Variants in PARP8 observed in about 807,000 individuals in gnomAD.
The protein encoded by PARP8 is poly(ADP-ribose) polymerase family member 8, also known as protein mono-ADP-ribosyltransferase PARP8.
Under a neutral mutation model 124.1 loss-of-function variants are expected in PARP8, and 51 were observed. The ratio of observed to expected loss-of-function variants is 0.41; its 90% CI spans 0.33 to 0.52. The LOEUF (loss-of-function observed/expected upper bound fraction) is 0.52. Among genes scored for constraint, PARP8 ranks in the 20% least tolerant of loss-of-function variants. PARP8 has a pLI of 0.21. For synonymous variants in PARP8, 391 were observed against 361.5 expected (o/e 1.08, Z -0.93); for missense variants, 860 against 1,018.9 (o/e 0.84, Z 2.12).
intron 10 of PARP8, among the ~76,000 whole-genome samples, chr5:50,792,330 A>G (rs182867403): frequency 9.3e-4 from 141 of 152,270 alleles, no homozygotes; most frequent in Non-Finnish European, 1.3e-3. Context: ...CACAACATTG[A>G]ATGTCTTTTA....
chr5:50,740,633 G>A (rs1168377009), intron 2 of PARP8, among the ~76,000 whole-genome samples: 2 of 151,986 alleles, frequency 1.3e-5, no homozygotes, highest in East Asian at 1.9e-4. Flanking sequence ...AACATACTGA[G>A]ACCTCATCTC....
At chr5:50,786,837 T>C (rs1300113132) in intron 9 of PARP8, among the ~76,000 whole-genome samples, 4 of 152,178 alleles carry the variant, frequency 2.6e-5, no homozygotes, top group Non-Finnish European at 4.4e-5. Context: ...TTCAGCCTCA[T>C]GCCTTTATAT....
chr5:50,749,851 A>G (rs1759034009), intron 2 of PARP8, among the ~76,000 whole-genome samples: 1 of 152,178 alleles, frequency 6.6e-6, no homozygotes, highest in African/African-American at 2.4e-5. Context: ...TATAATAGGA[A>G]AAATAGACCT....
intron 2 of PARP8, among the ~76,000 whole-genome samples, chr5:50,684,072 G>A (rs1751587102): frequency 6.6e-6 from 1 of 152,148 alleles, no homozygotes; most frequent in Non-Finnish European, 1.5e-5. Context: ...TTTTTAGCTG[G>A]TTCTTGGATT....
intron 3 of PARP8, among the ~76,000 whole-genome samples, chr5:50,755,520 G>A (rs1374406556): frequency 6.6e-6 from 1 of 152,108 alleles, no homozygotes; most frequent in African/African-American, 2.4e-5. Context: ...TGAGGGCTCT[G>A]TATTGTTCCA....
chr5:50,754,356 C>A (rs916936271), intron 3 of PARP8, among the ~76,000 whole-genome samples: 1 of 151,502 alleles, frequency 6.6e-6, no homozygotes, highest in African/African-American at 2.4e-5. Context: ...ACAACAGGCC[C>A]CAGTGTGTGA....
intron 2 of PARP8, among the ~76,000 whole-genome samples, chr5:50,742,368 A>G (rs1220992031): frequency 1.3e-5 from 2 of 152,214 alleles, no homozygotes; most frequent in African/African-American, 4.8e-5. Flanking sequence ...TTAATAGAAC[A>G]AAGCCCCAAA....
intron 2 of PARP8, among the ~76,000 whole-genome samples, chr5:50,678,830 A>G (rs981606172): frequency 1.3e-5 from 2 of 152,168 alleles, no homozygotes; most frequent in South Asian, 4.1e-4. Flanking sequence ...ATATGCAGAC[A>G]GTGTTCAGCA....
intron 2 of PARP8, among the ~76,000 whole-genome samples, chr5:50,715,084 A>T (rs1367713007): frequency 2.6e-5 from 4 of 151,992 alleles, no homozygotes; most frequent in Admixed American, 2.6e-4. Flanking sequence ...CCAGCTAACT[A>T]TTCCCAACTC....
At chr5:50,678,645 A>G (rs2149442436) in intron 2 of PARP8, among the ~76,000 whole-genome samples, 1 of 152,328 alleles carries the variant, frequency 6.6e-6, no homozygotes, top group Middle Eastern at 3.4e-3. Flanking sequence ...TTAAACTGAT[A>G]TTTTGTGGCC....
chr5:50,756,437 A>G (rs1197358136), intron 3 of PARP8, among the ~76,000 whole-genome samples: 1 of 152,072 alleles, frequency 6.6e-6, no homozygotes, highest in Non-Finnish European at 1.5e-5. Flanking sequence ...TTTTTTACAA[A>G]TGTCAAAATA....
chr5:50,670,297 C>G (rs1393170005), intron 2 of PARP8, among the ~76,000 whole-genome samples: 1 of 152,122 alleles, frequency 6.6e-6, no homozygotes, highest in Admixed American at 6.5e-5. Context: ...ATATGATTAT[C>G]TCTATTTGTA....
At chr5:50,726,306 A>G (rs1756425385) in intron 2 of PARP8, among the ~76,000 whole-genome samples, 1 of 152,184 alleles carries the variant, frequency 6.6e-6, no homozygotes, top group South Asian at 2.1e-4. Context: ...AGTGCGTAGT[A>G]CAAAAAAGGT....
At chr5:50,710,436 G>T (rs1754658233) in intron 2 of PARP8, among the ~76,000 whole-genome samples, 1 of 152,064 alleles carries the variant, frequency 6.6e-6, no homozygotes, top group Admixed American at 6.6e-5. Context: ...TAGTAAAGAA[G>T]TAGTCACATG....
intron 2 of PARP8, among the ~76,000 whole-genome samples, chr5:50,711,733 A>G (rs1754789579): frequency 6.6e-6 from 1 of 152,112 alleles, no homozygotes. Flanking sequence ...CTGCACTTAT[A>G]TGAGAAAATC....
In PARP8 at chr5:50,667,008, T is replaced by C. The variant is rs538533530; in HGVS notation, c.-88T>C. 1.4e-5 allele frequency: 22 copies of C among 1,587,378 alleles called. No individual in the cohort carries two copies. In the African/African-American group the frequency reaches 3.0e-4, roughly 21 times the overall value. On this transcript the variant is annotated 5_prime_UTR_variant, in exon 1 of 26. Coordinates refer to ENST00000281631, the MANE Select transcript of PARP8 (RefSeq NM_024615.4). ...CTGCCTCGGCCAGAGGTTTCATTTTTAACTGAATATTTACGAAAGCTGGAA... is the reference window on the plus strand; with the variant it reads ...CTGCCTCGGCCAGAGGTTTCATTTTCAACTGAATATTTACGAAAGCTGGAA...
At chr5:50,821,469 T>A in intron 16 of PARP8, 131 bp downstream of exon 16, 1 of 1,002,790 alleles carries the variant, frequency 1.0e-6, no homozygotes, top group Non-Finnish European at 1.5e-6. Context: ...CATGAGTATT[T>A]AATTTCATCA....
chr5:50,814,378 A>G (rs1294285188), intron 14 of PARP8, among the ~76,000 whole-genome samples: 2 of 152,164 alleles, frequency 1.3e-5, no homozygotes, highest in Non-Finnish European at 2.9e-5. Flanking sequence ...ATCTAAATAT[A>G]TATTGCAGAG....
chr5:50,722,832 G>A (rs918144297), intron 2 of PARP8, among the ~76,000 whole-genome samples: 1 of 152,088 alleles, frequency 6.6e-6, no homozygotes, highest in Non-Finnish European at 1.5e-5. Flanking sequence ...CTCACTAGGA[G>A]TGTTTGGGAT....
Sources: gnomAD v4.1 joint callset for allele counts (sites outside exome capture counted in the v4.1 genomes callset) on GRCh38, gnomAD v4.1.1 for gene constraint, MANE v1.5 for transcripts, NCBI Gene and HGNC (gene_info 2026-07-23, HGNC 2026-07-21) for gene names.